Variants in MYH4 observed in about 807,000 individuals in gnomAD.
The protein encoded by MYH4 is myosin heavy chain 4.
MYH4 carries 200 observed loss-of-function variants against 229.9 expected under a neutral mutation model. The observed-to-expected ratio is 0.87, with a 90% confidence interval of 0.78 to 0.98. MYH4 has a LOEUF of 0.98. MYH4 is among the 50% of genes least tolerant of loss of function. The probability of loss-of-function intolerance (pLI) is 0.00; values close to 1 mark genes in which losing one functional copy is unlikely to be tolerated. For missense variants in MYH4, 2,148 were observed against 2,332.6 expected (o/e 0.92, Z 1.63); for synonymous variants, 761 against 834.6 (o/e 0.91, Z 1.52).
chr17:10,466,730 C>G lies in MYH4; in HGVS notation c.16G>C (p.Glu6Gln). The change falls in exon 3 of 40, where the codon GAG becomes CAG. Residue 6 changes from glutamate to glutamine, a missense_variant. By Grantham distance (29) the Glu-to-Gln change is conservative. Coordinates refer to ENST00000255381, the MANE Select transcript of MYH4 (RefSeq NM_017533.2). MSSDSEMAIFGEAAPF... is the reference protein window; with the variant it reads MSSDSQMAIFGEAAPF... ...GCAGCCTCCCCAAAAATGGCCATCT[C>G]AGAGTCAGAACTCATGGCTGCAGGT... 6.2e-7 allele frequency: 1 copy of G among 1,614,214 alleles called. No individual in the cohort carries two copies. Among genetic ancestry groups the G allele is most frequent in the Non-Finnish European group, 8.5e-7 (1 of 1,180,050 alleles).
chr17:10,443,914 G>GA lies in MYH4; in HGVS notation c.5668-388dup, dbSNP rs199787188. ...GGCAACAAGAGCAAAACTCTGCCTCGAAAAAAAAAAAAAGAAGAGAAAAAG... is the reference window on the plus strand; with the variant it reads ...GGCAACAAGAGCAAAACTCTGCCTCGAAAAAAAAAAAAAAGAAGAGAAAAAG... On this transcript the variant is annotated intron_variant, in intron 39 of 39. Transcript: ENST00000255381. The surrounding 1 kb of genome is among the most constrained non-coding windows in gnomAD (Gnocchi z 4.6). Among the ~76,000 whole-genome samples the GA allele has an allele frequency of 7.7e-3, 976 of 127,250 alleles. 7 individuals carry two copies. The highest frequency in any genetic ancestry group is 0.023 in the African/African-American group (804 of 34,560). The allele number at this position is 127,250 out of a possible 152,430, so 83.5% of individuals were successfully genotyped here. A position where few individuals can be genotyped will look rare whatever the true frequency, so the allele number is the denominator to read the frequency against.
chr17:10,455,279 C>T lies in MYH4; in HGVS notation c.2191G>A (p.Ala731Thr). Residue 731 changes from alanine (A) to threonine (T), a missense_variant, in exon 20 of 40, where the codon GCG (alanine) becomes ACG (threonine). Coordinates refer to ENST00000255381, the MANE Select transcript of MYH4 (RefSeq NM_017533.2). ...DFKQRYKVLN[A>T]SAIPEGQFID... ...AACTGACCCTCTGGGATAGCACTCG[C>T]ATTTAGAACCTTGTATCTGTCAGAA... 2.5e-6 allele frequency: 4 copies of T among 1,613,214 alleles called. No individual in the cohort carries two copies. Among genetic ancestry groups the T allele is most frequent in the Non-Finnish European group, 3.4e-6 (4 of 1,179,700 alleles).
Position 10,443,354 on chromosome 17 carries a change from A to G in MYH4, c.*21T>C. 1 of 1,612,234 alleles carries G rather than the reference A, an allele frequency of 6.2e-7. No individual in the cohort carries two copies. The highest frequency in any genetic ancestry group is 8.5e-7 in the Non-Finnish European group (1 of 1,179,234). On this transcript the variant is annotated 3_prime_UTR_variant, in exon 40 of 40. Coordinates refer to ENST00000255381, the MANE Select transcript of MYH4 (RefSeq NM_017533.2). The surrounding 1 kb of genome is among the most constrained non-coding windows in gnomAD (Gnocchi z 4.6). ...ACATTTCGTGCATTTCTTTGGTCAC[A>G]TTTTCTTTCATTAGAATGAATTACT...
In MYH4 at chr17:10,466,273, G is replaced by A. The variant is rs750137859; in HGVS notation, c.348C>T (p.Tyr116=). 13 of 1,613,880 alleles carry A rather than the reference G, an allele frequency of 8.1e-6. No homozygotes were observed. The highest frequency in any genetic ancestry group is 2.2e-5 in the East Asian group (1 of 44,874). Reference sequence around the variant, plus strand: ...GAAATAGCGTTGAAAGGGTGCTCACGTAGATCATCCAGGCTGCGTAACGCT... The same window carrying A: ...GAAATAGCGTTGAAAGGGTGCTCACATAGATCATCCAGGCTGCGTAACGCT... ...LKERYAAWMI[Y]TYSGLFCVTV... is the part of the protein sequence containing the mutation. Residue 116 remains tyrosine (Y), a splice_region_variant and synonymous_variant, in exon 4 of 40, where the codon TAC becomes TAT. Coordinates refer to ENST00000255381, the MANE Select transcript of MYH4 (RefSeq NM_017533.2).
At position 10,456,523 on chromosome 17, in the gene MYH4, T is replaced by C. The variant is rs768693131; in HGVS notation, c.1930A>G (p.Lys644Glu). 1 of 1,614,026 alleles carries C rather than the reference T, an allele frequency of 6.2e-7. No homozygotes were observed. Among genetic ancestry groups the C allele is most frequent in the South Asian group, 1.1e-5 (1 of 91,072 alleles). The change falls in exon 17 of 40, where the codon AAG (lysine) becomes GAG (glutamate). Residue 644 changes from lysine to glutamate, a missense_variant. Transcript: ENST00000255381. ...GACACTGTCTGGAAAGAAGAACCCT[T>C]CTTTTTGCCACCTTTCTTTCCACCA... ...GGGGKKGGKKKGSSFQTVSAL... is the reference protein window; with the variant it reads ...GGGGKKGGKKEGSSFQTVSAL...
chr17:10,451,973 C>T lies in MYH4; in HGVS notation c.3706G>A (p.Ala1236Thr). The T allele has an allele frequency of 6.2e-7, 1 of 1,612,570 alleles. No individual in the cohort carries two copies. The highest frequency in any genetic ancestry group is 1.1e-5 in the South Asian group (1 of 90,836). ...TTGGAGACAGTCTCCATGTTACTAG[C>T]AAGGTCATTGATCTCCATCTTCAGC... ...SELKMEINDL[A>T]SNMETVSKAK... The change falls in exon 27 of 40, where the codon GCT becomes ACT. Residue 1236 changes from alanine (A) to threonine (T), a missense_variant. Ala to Thr is a moderately conservative substitution (Grantham distance 58, BLOSUM62 0). Coordinates refer to ENST00000255381, the MANE Select transcript of MYH4 (RefSeq NM_017533.2).
intron 8 of MYH4, 33 bp downstream of exon 8, chr17:10,463,518 G>T (rs1365076867): frequency 1.3e-6 from 2 of 1,592,198 alleles, no homozygotes; most frequent in Non-Finnish European, 1.7e-6. Context: ...AATCAGTGCT[G>T]ATCCTCAAGA....
intron 22 of MYH4, 45 bp from the exon 23 acceptor site, chr17:10,453,930 A>G (rs1331160256): frequency 1.2e-6 from 2 of 1,606,506 alleles, no homozygotes; most frequent in South Asian, 1.1e-5. Flanking sequence ...AGCTATATCT[A>G]TAAGCACACA....
rs772756428 is a variant in MYH4 at position 10,455,212 on chromosome 17, A to G, written c.2258T>C (p.Ile753Thr). 46 of 1,614,094 alleles carry G rather than the reference A, an allele frequency of 2.8e-5. No homozygotes were observed. In the East Asian group the frequency reaches 3.3e-4, roughly 12 times the overall value. ...KKASEKLLGS[I>T]EIDHTQYKFG... ...TTTGTACTGGGTGTGGTCAATTTCA[A>G]TAGACCCTAGAAGTTTCTCAGAAGC... The change falls in exon 20 of 40, where the codon ATT (isoleucine) becomes ACT (threonine). Residue 753 changes from isoleucine to threonine, a missense_variant. Physicochemically the swap from Ile to Thr is moderately conservative, Grantham distance 89. Transcript: ENST00000255381.
intron 16 of MYH4, 93 bp downstream of exon 16, chr17:10,457,327 G>A: frequency 7.2e-7 from 1 of 1,390,954 alleles, no homozygotes; most frequent in Non-Finnish European, 9.7e-7. Context: ...CAGTGTTTTT[G>A]TGTCAGGTTT....
intron 11 of MYH4, among the ~76,000 whole-genome samples, chr17:10,462,350 A>G (rs2072712088): frequency 6.6e-6 from 1 of 152,184 alleles, no homozygotes; most frequent in South Asian, 2.1e-4. Context: ...GGAGTCCCCA[A>G]AATGAGTGTT....
At position 10,451,343 on chromosome 17, in the gene MYH4, C is replaced by T. The variant is rs138779851; in HGVS notation, c.3848G>A (p.Arg1283His). The change falls in exon 28 of 40, where the codon CGT (arginine) becomes CAT (histidine). Residue 1283 changes from arginine (R) to histidine (H), a missense_variant. Physicochemically the swap from Arg to His is conservative, Grantham distance 29 (BLOSUM62 0). Coordinates refer to ENST00000255381, the MANE Select transcript of MYH4 (RefSeq NM_017533.2). Reference sequence around the variant, plus strand: ...TTACTGACCTGATTCTGTGTGTAAACGTGCCTTCTGGGCTGACAACTCATT... The same window carrying T: ...TTACTGACCTGATTCTGTGTGTAAATGTGCCTTCTGGGCTGACAACTCATT... ...LINELSAQKARLHTESGEFSR... is the reference protein window; with the variant it reads ...LINELSAQKAHLHTESGEFSR... The T allele has an allele frequency of 6.6e-5, 107 of 1,613,772 alleles. No individual in the cohort carries two copies. The Admixed American group carries it at 8.0e-4, about 12-fold the overall frequency.
chr17:10,453,613 A>G (rs773122431), intron 23 of MYH4, 30 bp downstream of exon 23: 1 of 1,613,986 alleles, frequency 6.2e-7, no homozygotes, highest in Admixed American at 1.7e-5. Flanking sequence ...AGGTGCTTAT[A>G]AATATTCTAA....
chr17:10,455,897 T>A lies in MYH4; in HGVS notation c.1973A>T (p.Asn658Ile). The A allele has an allele frequency of 6.2e-7, 1 of 1,614,230 alleles. No homozygotes were observed. The highest frequency in any genetic ancestry group is 8.5e-7 in the Non-Finnish European group (1 of 1,180,038). Residue 658 changes from asparagine (N) to isoleucine (I), a missense_variant, in exon 18 of 40, where the codon AAT (asparagine) becomes ATT (isoleucine). Physicochemically the swap from Asn to Ile is moderately radical, Grantham distance 149. Coordinates refer to ENST00000255381, the MANE Select transcript of MYH4 (RefSeq NM_017533.2). ...CAAGTTGGTCATCAGCTTATTCAAA[T>A]TCTCCTGTGGAACCATATGAAAAGT... ...FQTVSALFRENLNKLMTNLRS... is the reference protein window; with the variant it reads ...FQTVSALFREILNKLMTNLRS...
intron 39 of MYH4, 23 bp downstream of exon 39, chr17:10,444,581 A>G: frequency 1.3e-6 from 2 of 1,599,374 alleles, no homozygotes; most frequent in Non-Finnish European, 1.7e-6. Context: ...TGAACCTTTC[A>G]TTTCCACTGT....
chr17:10,463,703 A>C (rs1177762050), intron 7 of MYH4, 60 bp from the exon 8 acceptor site: 1 of 1,346,048 alleles, frequency 7.4e-7, no homozygotes, highest in South Asian at 1.3e-5. Context: ...TTTCCCATTG[A>C]CCTCTTTCCC....
chr17:10,465,508 T>G lies in MYH4; in HGVS notation c.439A>C (p.Lys147Gln). ...ATATGGGGTGGGGCCTCCTGGCGCTTTTTGCCTCGGTAGGCTGTCACCACC... is the reference window on the plus strand; with the variant it reads ...ATATGGGGTGGGGCCTCCTGGCGCTGTTTGCCTCGGTAGGCTGTCACCACC... ...PEVVTAYRGK[K>Q]RQEAPPHIFS... The change falls in exon 5 of 40, where the codon AAG becomes CAG. Residue 147 changes from lysine to glutamine, a missense_variant. Physicochemically the swap from Lys to Gln is moderately conservative, Grantham distance 53 (BLOSUM62 1). Transcript: ENST00000255381. 10 of 1,614,046 alleles carry G rather than the reference T, an allele frequency of 6.2e-6. No individual in the cohort carries two copies. The highest frequency in any genetic ancestry group is 8.5e-6 in the Non-Finnish European group (10 of 1,179,994).
chr17:10,458,864 C>A (rs1023632144), intron 15 of MYH4, among the ~76,000 whole-genome samples: 7 of 152,144 alleles, frequency 4.6e-5, no homozygotes, highest in Admixed American at 3.3e-4. Context: ...TTGACATAGC[C>A]TGCCTTGTTA....
intron 30 of MYH4, among the ~76,000 whole-genome samples, chr17:10,449,303 A>C (rs2142212975): frequency 6.6e-6 from 1 of 152,288 alleles, no homozygotes; most frequent in East Asian, 1.9e-4. Context: ...AGAGAATATA[A>C]GTTAGCACTA....
Sources: allele counts gnomAD v4.1 joint callset (sites outside exome capture counted in the v4.1 genomes callset), GRCh38; gene constraint gnomAD v4.1.1; non-coding constraint Gnocchi (gnomAD v3.1); transcripts MANE v1.5; gene names NCBI Gene and HGNC (gene_info 2026-07-23, HGNC 2026-07-21).